NKAIN1: variants seen among roughly 807,000 people sequenced by gnomAD.
The protein encoded by NKAIN1 is sodium/potassium-transporting ATPase subunit beta-1-interacting protein 1.
In NKAIN1, 13 loss-of-function variants were observed where a neutral mutation model predicts 31.6. The observed-to-expected ratio is 0.41, with a 90% confidence interval of 0.27 to 0.65. NKAIN1 has a LOEUF of 0.65. Among genes scored for constraint, NKAIN1 ranks in the 30% least tolerant of loss-of-function variants. The pLI is 0.30. For missense variants in NKAIN1, 193 were observed against 262.2 expected (o/e 0.74, Z 1.82); for synonymous variants, 104 against 109.0 (o/e 0.95, Z 0.28).
intron 1 of NKAIN1, among the ~76,000 whole-genome samples, chr1:31,202,067 G>C (rs1445897365): frequency 6.6e-6 from 1 of 152,184 alleles, no homozygotes; most frequent in Non-Finnish European, 1.5e-5. Flanking sequence ...GCTTGGAGCT[G>C]CTAGGGAGGC....
At chr1:31,219,250 C>T (rs1645543173) in intron 1 of NKAIN1, among the ~76,000 whole-genome samples, 1 of 152,262 alleles carries the variant, frequency 6.6e-6, no homozygotes, top group African/African-American at 2.4e-5. Flanking sequence ...TATGGGAAAG[C>T]CAGCCCCAGC....
chr1:31,214,230 A>C (rs1468864782), intron 1 of NKAIN1, among the ~76,000 whole-genome samples: 1 of 152,018 alleles, frequency 6.6e-6, no homozygotes. Context: ...CAGCATAGGC[A>C]AATCCAGAAA....
intron 1 of NKAIN1, among the ~76,000 whole-genome samples, chr1:31,237,490 G>A (rs1645701101): frequency 1.4e-5 from 2 of 140,958 alleles, no homozygotes; most frequent in South Asian, 4.4e-4. Flanking sequence ...TCTAGTTATA[G>A]AGAGAAGAAA....
rs1187774210 is a variant in NKAIN1, at chr1:31,180,093, G to A, written c.*1610C>T. On this transcript the variant is annotated 3_prime_UTR_variant, in exon 7 of 7. Coordinates refer to ENST00000373736, the MANE Select transcript of NKAIN1 (RefSeq NM_024522.3). ...CTGGCTGCTTGCATTTGGGATGGTG[G>A]GGTGGGGTTGCCAGCCTTGCTCAGG... 6.6e-6 allele frequency: 1 copy of A among 152,502 alleles called. No homozygotes were observed. The highest frequency in any genetic ancestry group is 2.4e-5 in the African/African-American group (1 of 41,462). 9.4% of individuals were successfully genotyped at this position (152,502 alleles called of 1,614,324 possible). A position where few individuals can be genotyped will look rare whatever the true frequency, so the allele number is the denominator to read the frequency against.
intron 1 of NKAIN1, among the ~76,000 whole-genome samples, chr1:31,215,500 T>G (rs1047199054): frequency 6.6e-6 from 1 of 152,178 alleles, no homozygotes; most frequent in African/African-American, 2.4e-5. Flanking sequence ...CAGACAGGTG[T>G]AGGGGGTCTG....
chr1:31,233,339 A>G lies in NKAIN1; in HGVS notation c.54+6155T>C, dbSNP rs1427843788. 6.6e-6 allele frequency among the ~76,000 whole-genome samples: 1 copy of G among 152,180 alleles called. No homozygotes were observed. Among genetic ancestry groups the G allele is most frequent in the African/African-American group, 2.4e-5 (1 of 41,448 alleles). On this transcript the variant is annotated intron_variant, in intron 1 of 6. Transcript: ENST00000373736. This position sits in a 1 kb window ranked among gnomAD's most constrained non-coding sequence, Gnocchi z 4.0. ...ATCTGTGTAAGCAGTTAGATCTGGC[A>G]TCTGGTAACAAGCCCTGTGGCTGAG...
intron 1 of NKAIN1, among the ~76,000 whole-genome samples, chr1:31,214,680 C>A (rs1412617400): frequency 6.6e-6 from 1 of 152,160 alleles, no homozygotes; most frequent in Non-Finnish European, 1.5e-5. Context: ...TCAAGGAAGA[C>A]TTCTGCGAGG....
At chr1:31,231,644 C>T (rs1645649277) in intron 1 of NKAIN1, among the ~76,000 whole-genome samples, 4 of 152,140 alleles carry the variant, frequency 2.6e-5, no homozygotes, top group African/African-American at 9.7e-5. Context: ...CACTGTCCTG[C>T]CTCAGCCTCC....
chr1:31,234,220 C>G (rs545998235), intron 1 of NKAIN1, among the ~76,000 whole-genome samples: 3 of 152,204 alleles, frequency 2.0e-5, no homozygotes, highest in Non-Finnish European at 4.4e-5. Flanking sequence ...TGCATAATTT[C>G]ACGCTCCTGA....
At position 31,237,241 on chromosome 1, in the gene NKAIN1, C is replaced by A. The variant is rs376022967; in HGVS notation, c.54+2253G>T. On this transcript the variant is annotated intron_variant, in intron 1 of 6. Transcript: ENST00000373736. ...ACTCTGTCCTGGATGACAGAGTGAG[C>A]CCATGTCTCAAACAAAAACAAAAAC... Among the ~76,000 whole-genome samples the A allele has an allele frequency of 2.0e-5, 3 of 152,098 alleles. No homozygotes were observed. In the East Asian group the frequency reaches 5.8e-4, roughly 29 times the overall value.
At chr1:31,226,523 C>CTTTT (rs35709945) in intron 1 of NKAIN1, among the ~76,000 whole-genome samples, 1 of 132,150 alleles carries the variant, frequency 7.6e-6, no homozygotes, top group Admixed American at 7.6e-5. Flanking sequence ...TGAAGAAAAT[C>CTTTT]TTTTTTTTTT....
At chr1:31,213,631 T>C (rs1051902651) in intron 1 of NKAIN1, among the ~76,000 whole-genome samples, 3 of 152,210 alleles carry the variant, frequency 2.0e-5, no homozygotes, top group African/African-American at 7.2e-5. Context: ...TAAATGCTCA[T>C]AGCAGCATTA....
At chr1:31,221,865 C>A (rs886396872) in intron 1 of NKAIN1, among the ~76,000 whole-genome samples, 13 of 151,908 alleles carry the variant, frequency 8.6e-5, no homozygotes, top group Non-Finnish European at 1.8e-4. Flanking sequence ...GAGGCAGTAT[C>A]AGAACTGCAT....
rs1645675644 is a variant in NKAIN1 at position 31,233,878 on chromosome 1, A to G, written c.54+5616T>C. On this transcript the variant is annotated intron_variant, in intron 1 of 6. Transcript: ENST00000373736. The surrounding 1 kb of genome is among the most constrained non-coding windows in gnomAD (Gnocchi z 4.0). ...GACTACTTTGTAAGTAAGAAGGCAG[A>G]GGCTCAGAGAGGGTGCAGGACTTCC... Among the ~76,000 whole-genome samples the G allele has an allele frequency of 6.6e-6, 1 of 152,208 alleles. No individual in the cohort carries two copies. The highest frequency in any genetic ancestry group is 1.5e-5 in the Non-Finnish European group (1 of 68,038).
chr1:31,184,205 G>A (rs1216573397), intron 3 of NKAIN1, among the ~76,000 whole-genome samples, 191 bp from the exon 4 acceptor site: 3 of 152,124 alleles, frequency 2.0e-5, no homozygotes, highest in Non-Finnish European at 2.9e-5. Context: ...ATGGGAAGGG[G>A]TTTGTGTGGA....
At chr1:31,238,837 C>G (rs1569600846) in intron 1 of NKAIN1, among the ~76,000 whole-genome samples, 1 of 152,230 alleles carries the variant, frequency 6.6e-6, no homozygotes, top group East Asian at 1.9e-4. Context: ...TCCTGGTGAC[C>G]CTCTCCAGGG....
chr1:31,223,095 G>A (rs747016863), intron 1 of NKAIN1, among the ~76,000 whole-genome samples: 11 of 152,074 alleles, frequency 7.2e-5, no homozygotes, highest in Non-Finnish European at 1.3e-4. Context: ...CTCCATAAAC[G>A]GCCAGGCGCG....
At chr1:31,191,016 C>T (rs1024444322) in intron 1 of NKAIN1, among the ~76,000 whole-genome samples, 7 of 152,194 alleles carry the variant, frequency 4.6e-5, no homozygotes, top group Non-Finnish European at 7.3e-5. Flanking sequence ...TAAGGCTGGG[C>T]GCAGTGGCTC....
At chr1:31,201,627 C>T (rs748345239) in intron 1 of NKAIN1, among the ~76,000 whole-genome samples, 2 of 152,138 alleles carry the variant, frequency 1.3e-5, no homozygotes, top group Non-Finnish European at 2.9e-5. Flanking sequence ...TCCCAAAGTG[C>T]AGGGATTACA....
Sources: allele counts gnomAD v4.1 joint callset (sites outside exome capture counted in the v4.1 genomes callset), GRCh38; gene constraint gnomAD v4.1.1; non-coding constraint Gnocchi (gnomAD v3.1); transcripts MANE v1.5; gene names NCBI Gene and HGNC (gene_info 2026-07-23, HGNC 2026-07-21).